The following CDYL2 variants were observed in gnomAD, a reference collection of about 807,000 sequenced individuals.
The protein encoded by CDYL2 is chromodomain Y-like protein 2.
A neutral mutation model predicts 49.4 loss-of-function variants in CDYL2; 23 were observed. The ratio of observed to expected loss-of-function variants is 0.47; its 90% CI spans 0.34 to 0.66. The LOEUF (loss-of-function observed/expected upper bound fraction) is 0.66. Among genes scored for constraint, CDYL2 ranks in the 30% least tolerant of loss-of-function variants. CDYL2 has a pLI of 0.01. For missense variants in CDYL2, 678 were observed against 656.4 expected (o/e 1.03, Z -0.36); for synonymous variants, 360 against 268.8 (o/e 1.34, Z -3.32).
At chr16:80,749,962 A>G (rs1906073947) in intron 1 of CDYL2, among the ~76,000 whole-genome samples, 2 of 152,168 alleles carry the variant, frequency 1.3e-5, no homozygotes, top group South Asian at 4.2e-4. Flanking sequence ...GGAAACCATC[A>G]TTCTCAGCAA....
At chr16:80,764,631 CTG>C (rs1356930380) in intron 1 of CDYL2, among the ~76,000 whole-genome samples, 2 of 152,116 alleles carry the variant, frequency 1.3e-5, no homozygotes, top group African/African-American at 4.8e-5. Context: ...TGTTAATAAA[CTG>C]TCATGAGATA....
At chr16:80,629,708 A>G (rs1907466896) in intron 3 of CDYL2, among the ~76,000 whole-genome samples, 1 of 152,256 alleles carries the variant, frequency 6.6e-6, no homozygotes, top group African/African-American at 2.4e-5. Context: ...ACAGTAATGT[A>G]TGAATTTCTG....
chr16:80,748,998 C>G (rs976256878), intron 1 of CDYL2, among the ~76,000 whole-genome samples: 1 of 151,724 alleles, frequency 6.6e-6, no homozygotes, highest in Non-Finnish European at 1.5e-5. Context: ...AAAATACAGT[C>G]AAAATATAAG....
chr16:80,621,566 GGGT>G (rs1459339013), intron 3 of CDYL2, among the ~76,000 whole-genome samples: 2 of 152,238 alleles, frequency 1.3e-5, no homozygotes, highest in African/African-American at 2.4e-5. Context: ...ATCTATAAGT[GGGT>G]GGACCCACTC....
chr16:80,708,378 G>A (rs945897938), intron 1 of CDYL2, among the ~76,000 whole-genome samples: 1 of 152,094 alleles, frequency 6.6e-6, no homozygotes, highest in Non-Finnish European at 1.5e-5. Flanking sequence ...AAGCTCTCTT[G>A]CCTACCCCCA....
intron 1 of CDYL2, among the ~76,000 whole-genome samples, chr16:80,702,721 G>A (rs1904309105): frequency 6.6e-6 from 1 of 152,208 alleles, no homozygotes; most frequent in African/African-American, 2.4e-5. Flanking sequence ...CTGCATTCCA[G>A]CCTGGGTGAC....
chr16:80,716,192 G>C (rs542483707), intron 1 of CDYL2, among the ~76,000 whole-genome samples: 1 of 152,350 alleles, frequency 6.6e-6, no homozygotes, highest in Non-Finnish European at 1.5e-5. Flanking sequence ...CTTCATCAAA[G>C]AGAAGCCTCC....
At chr16:80,656,125 G>C (rs920061370) in intron 2 of CDYL2, among the ~76,000 whole-genome samples, 27 of 152,208 alleles carry the variant, frequency 1.8e-4, no homozygotes, top group Non-Finnish European at 2.9e-4. Flanking sequence ...GGGGCTAAAA[G>C]TACCTACTCT....
chr16:80,803,086 T>G (rs979367744), intron 1 of CDYL2, among the ~76,000 whole-genome samples: 6 of 152,198 alleles, frequency 3.9e-5, no homozygotes, highest in Non-Finnish European at 8.8e-5. Context: ...AACCTGGTCT[T>G]GGCGGCCAAC....
chr16:80,750,775 T>C (rs769203061), intron 1 of CDYL2, among the ~76,000 whole-genome samples: 2 of 152,160 alleles, frequency 1.3e-5, no homozygotes, highest in Non-Finnish European at 2.9e-5. Context: ...ATCCCAGCAC[T>C]TTGGGAGGCC....
intron 2 of CDYL2, among the ~76,000 whole-genome samples, chr16:80,660,397 G>C (rs1044765253): frequency 1.3e-5 from 2 of 151,966 alleles, no homozygotes; most frequent in African/African-American, 4.8e-5. Flanking sequence ...AATTCAGTAA[G>C]AGGACATCAT....
intron 2 of CDYL2, among the ~76,000 whole-genome samples, chr16:80,657,366 A>C (rs1260832323): frequency 6.6e-6 from 1 of 152,234 alleles, no homozygotes; most frequent in East Asian, 1.9e-4. Flanking sequence ...ACTGGGAAAA[A>C]CAGTTGTGTA....
At chr16:80,718,133 G>A (rs1904874864) in intron 1 of CDYL2, among the ~76,000 whole-genome samples, 1 of 152,180 alleles carries the variant, frequency 6.6e-6, no homozygotes, top group African/African-American at 2.4e-5. Flanking sequence ...ACCAAGGCAA[G>A]AACAAAACCT....
In CDYL2 at chr16:80,751,434, G is replaced by C. The variant is rs748518953; in HGVS notation, c.24+52716C>G. On this transcript the variant is annotated intron_variant, in intron 1 of 6. Coordinates refer to ENST00000570137, the MANE Select transcript of CDYL2 (RefSeq NM_152342.4). ...TATAGGGGTAGATGCTGAAAAGCCT[G>C]GCAGAAACATAAACAGAAAGGCAAG... Among the ~76,000 whole-genome samples the C allele has an allele frequency of 3.9e-5, 6 of 152,168 alleles. No homozygotes were observed. In the South Asian group the frequency reaches 1.2e-3, roughly 32 times the overall value.
chr16:80,743,252 A>G (rs1419772374), intron 1 of CDYL2, among the ~76,000 whole-genome samples: 4 of 152,248 alleles, frequency 2.6e-5, no homozygotes, highest in African/African-American at 7.2e-5. Context: ...CTGCTCCCAG[A>G]AGTAAAACCT....
chr16:80,637,060 G>A (rs919213983), intron 2 of CDYL2, among the ~76,000 whole-genome samples: 1 of 152,118 alleles, frequency 6.6e-6, no homozygotes, highest in East Asian at 1.9e-4. Context: ...TCTGGGGGTG[G>A]AGTGTTAGGG....
At chr16:80,711,180 T>A (rs2142511707) in intron 1 of CDYL2, among the ~76,000 whole-genome samples, 1 of 152,296 alleles carries the variant, frequency 6.6e-6, no homozygotes, top group South Asian at 2.1e-4. Context: ...GGTGGGAGGA[T>A]TTGTTTCAAG....
chr16:80,742,255 A>G (rs1905763168), intron 1 of CDYL2: 1 of 152,254 alleles, frequency 6.6e-6, no homozygotes, highest in Non-Finnish European at 1.5e-5. Flanking sequence ...GAAACACTTT[A>G]ACACTACCTA....
In CDYL2 at chr16:80,771,504, G is replaced by A. The variant is rs566752532; in HGVS notation, c.24+32646C>T. Among the ~76,000 whole-genome samples the A allele has an allele frequency of 4.6e-5, 7 of 152,334 alleles. No individual in the cohort carries two copies. In the East Asian group the frequency reaches 5.8e-4, roughly 13 times the overall value. On this transcript the variant is annotated intron_variant, in intron 1 of 6. Transcript: ENST00000570137. Reference sequence around the variant, plus strand: ...GGATCACTTGTGGTCTGGAGTTTGAGACCAGCCTGGCCAACATGGTGAAAC... The same window carrying A: ...GGATCACTTGTGGTCTGGAGTTTGAAACCAGCCTGGCCAACATGGTGAAAC...
Sources: allele counts gnomAD v4.1 joint callset (sites outside exome capture counted in the v4.1 genomes callset), GRCh38; gene constraint gnomAD v4.1.1; transcripts MANE v1.5; gene names NCBI Gene and HGNC (gene_info 2026-07-23, HGNC 2026-07-21).